Variants in PTPN3 observed in about 807,000 individuals in gnomAD.
PTPN3 encodes the protein protein tyrosine phosphatase non-receptor type 3.
A neutral mutation model predicts 132.7 loss-of-function variants in PTPN3; 96 were observed. That is an observed-to-expected ratio of 0.72 (90% CI 0.61 to 0.86). The LOEUF (loss-of-function observed/expected upper bound fraction) is 0.86. PTPN3 is among the 40% of genes least tolerant of loss of function. The pLI, the probability that PTPN3 is intolerant of heterozygous loss-of-function variation, is 0.00. For synonymous variants in PTPN3, 398 were observed against 429.0 expected, an observed-to-expected ratio of 0.93 and a Z score of 0.89; for missense variants, 1,125 against 1,159.6, an observed-to-expected ratio of 0.97 and a Z score of 0.43.
intron 1 of PTPN3, among the ~76,000 whole-genome samples, chr9:109,493,086 G>T (rs1332150063): frequency 3.3e-5 from 5 of 152,152 alleles, no homozygotes; most frequent in Non-Finnish European, 7.4e-5. Flanking sequence ...CAGATGATTT[G>T]TCTAGGCACA....
At position 109,412,079 on chromosome 9, in the gene PTPN3, A is replaced by G. The variant is rs1842114548; in HGVS notation, c.1314-1664T>C. Among the ~76,000 whole-genome samples, 3 of 152,238 alleles carry G rather than the reference A, an allele frequency of 2.0e-5. No homozygotes were observed. The South Asian group carries it at 6.2e-4, about 32-fold the overall frequency. On this transcript the variant is annotated intron_variant, in intron 14 of 25. Transcript: ENST00000374541. ...TTCACTGTTTACAAGAGCATCACCC[A>G]GTGGCAGAAAGGGCAACTGCTTGGC... is the stretch of plus-strand genomic sequence containing the variant.
intron 1 of PTPN3, among the ~76,000 whole-genome samples, chr9:109,483,571 G>A (rs751971201): frequency 3.9e-5 from 6 of 152,104 alleles, no homozygotes; most frequent in Admixed American, 6.5e-5. Flanking sequence ...CTCAGCCTCC[G>A]GCAGAAAGCG....
At chr9:109,440,816 G>C (rs551964869) in intron 7 of PTPN3, among the ~76,000 whole-genome samples, 4 of 152,280 alleles carry the variant, frequency 2.6e-5, no homozygotes, top group African/African-American at 9.6e-5. Flanking sequence ...TCTGAGCTTC[G>C]AACACAACCA....
chr9:109,408,845 A>T (rs1401064808), intron 16 of PTPN3, among the ~76,000 whole-genome samples: 39 of 119,682 alleles, frequency 3.3e-4, no homozygotes, highest in Admixed American at 2.6e-3. Flanking sequence ...TATGGGCTTT[A>T]ATATATATAT....
At chr9:109,406,743 A>G in intron 17 of PTPN3, 125 bp from the exon 18 acceptor site, 1 of 1,187,824 alleles carries the variant, frequency 8.4e-7, no homozygotes. Context: ...TCCCTCGGGT[A>G]GTACTGTCAT....
intron 1 of PTPN3, among the ~76,000 whole-genome samples, chr9:109,485,350 C>CA (rs1297610015): frequency 2.0e-5 from 3 of 151,468 alleles, no homozygotes; most frequent in South Asian, 2.1e-4. Flanking sequence ...ACTAAAAATA[C>CA]AAAAAAAATT....
At chr9:109,422,641 A>G in intron 13 of PTPN3, 77 bp downstream of exon 13, 2 of 1,447,740 alleles carry the variant, frequency 1.4e-6, no homozygotes, top group South Asian at 1.3e-5. Context: ...AGGAGTTTAT[A>G]AGTTGAGTTT....
At chr9:109,525,222 TA>T in the PTPN3 span, among the ~76,000 whole-genome samples, 37 of 151,090 alleles carry the variant, frequency 2.4e-4, no homozygotes, top group African/African-American at 5.1e-4. Context: ...CCCAGATAAT[TA>T]AAAAAAAATG....
At chr9:109,387,853 T>C (rs951634883) in intron 22 of PTPN3, among the ~76,000 whole-genome samples, 2 of 152,224 alleles carry the variant, frequency 1.3e-5, no homozygotes, top group Non-Finnish European at 2.9e-5. Flanking sequence ...TCAATTGCAA[T>C]GTTTCTAAGA....
chr9:109,528,649 T>C, the PTPN3 span, among the ~76,000 whole-genome samples: 4 of 152,238 alleles, frequency 2.6e-5, no homozygotes, highest in South Asian at 2.1e-4. Flanking sequence ...CAAGGGTATA[T>C]ATAGTGTAAA....
chr9:109,461,566 G>T (rs925928224), intron 2 of PTPN3, among the ~76,000 whole-genome samples: 33 of 152,094 alleles, frequency 2.2e-4, no homozygotes, highest in Admixed American at 1.6e-3. Context: ...GACCAGCCTG[G>T]ACAAGTTAGT....
At position 109,408,342 on chromosome 9, in the gene PTPN3, T is replaced by C. The variant is rs149023035; in HGVS notation, c.1614A>G (p.Ser538=). The change falls in exon 17 of 26, where the codon TCA becomes TCG. Residue 538 remains serine (S), a synonymous_variant. Transcript: ENST00000374541. ...TTACAGGTGACTCTGGGTTTATCCT[T>C]GATACCACAAGAGGCATCTTTTGAT... is the stretch of plus-strand genomic sequence containing the variant. ...GVDQKMPLVV[S]RINPESPADT... 1.4e-4 allele frequency: 217 copies of C among 1,585,294 alleles called. 1 individual carries two copies. In the African/African-American group the frequency reaches 2.8e-3, roughly 20 times the overall value.
At chr9:109,411,247 T>C (rs1842057904) in intron 14 of PTPN3, among the ~76,000 whole-genome samples, 1 of 152,114 alleles carries the variant, frequency 6.6e-6, no homozygotes, top group Non-Finnish European at 1.5e-5. Context: ...TAACTCCCAG[T>C]TCACAGATGA....
At position 109,436,917 on chromosome 9, in the gene PTPN3, AG is replaced by A. The variant is rs1844095836; in HGVS notation, c.640del (p.Leu214SerfsTer6). 2.5e-6 allele frequency: 4 copies of A among 1,614,142 alleles called. No individual in the cohort carries two copies. Among genetic ancestry groups the A allele is most frequent in the Non-Finnish European group, 3.4e-6 (4 of 1,179,982 alleles). ...GTGCAGTTCTACTCCATAGAAGTCG[AG>A]GGTCCGCGCTATGTTGATATAGCAG... ...ESCYINIART[L>X]DFYGVELHSG... On this transcript the variant is annotated frameshift_variant, in exon 9 of 26. Transcript: ENST00000374541. LOFTEE classifies it high-confidence loss of function.
intron 6 of PTPN3, among the ~76,000 whole-genome samples, chr9:109,445,939 G>A (rs1844823237): frequency 6.6e-6 from 1 of 152,166 alleles, no homozygotes; most frequent in Admixed American, 6.5e-5. Flanking sequence ...GACTTGGGTT[G>A]GCCTTGTTCT....
intron 1 of PTPN3, among the ~76,000 whole-genome samples, chr9:109,497,235 G>C (rs965039834): frequency 1.3e-5 from 2 of 152,138 alleles, no homozygotes; most frequent in Non-Finnish European, 2.9e-5. Flanking sequence ...CCTGAAATGA[G>C]AGCCACGAGG....
At chr9:109,381,821 G>C (rs370761204) in intron 24 of PTPN3, 34 bp from the exon 25 acceptor site, 20 of 1,613,544 alleles carry the variant, frequency 1.2e-5, no homozygotes, top group Non-Finnish European at 1.7e-5. Context: ...CTTGGGATTT[G>C]TCTGAGTAGC....
chr9:109,381,684 G>A lies in PTPN3; in HGVS notation c.2632C>T (p.Arg878Ter), dbSNP rs201209437. 8.1e-6 allele frequency: 13 copies of A among 1,614,182 alleles called. No individual in the cohort carries two copies. The highest frequency in any genetic ancestry group is 1.3e-5 in the African/African-American group (1 of 75,056). The change falls in exon 25 of 26, where the codon CGA becomes TGA. Residue 878 changes from arginine (R) to a stop codon, truncating the protein, a stop_gained. Coordinates refer to ENST00000374541, the MANE Select transcript of PTPN3 (RefSeq NM_002829.4). LOFTEE classifies it high-confidence loss of function. Reference protein sequence around the residue: ...IYPLDIVRKMRDQRAMMVQTS... With the variant: ...IYPLDIVRKM The stretch of plus-strand genomic sequence containing the variant: ...TGCACCATCATGGCGCGCTGGTCTC[G>A]CATTTTTCGGACAATATCCAGTGGG...
In PTPN3 at chr9:109,442,820, A is replaced by G. The variant is rs190526877; in HGVS notation, c.466+2420T>C. On this transcript the variant is annotated intron_variant, in intron 7 of 25. Coordinates refer to ENST00000374541, the MANE Select transcript of PTPN3 (RefSeq NM_002829.4). Reference sequence around the variant, plus strand: ...CAGGTAATGAAACTGAGGTCTGGAGAAGCTCAAAGTCGGGCAGGTACAAGT... The same window carrying G: ...CAGGTAATGAAACTGAGGTCTGGAGGAGCTCAAAGTCGGGCAGGTACAAGT... Among the ~76,000 whole-genome samples, 26 of 152,296 alleles carry G rather than the reference A, an allele frequency of 1.7e-4. No homozygotes were observed. In the East Asian group the frequency reaches 5.0e-3, roughly 29 times the overall value.
Sources: gnomAD v4.1 joint callset for allele counts (sites outside exome capture counted in the v4.1 genomes callset) on GRCh38, gnomAD v4.1.1 for gene constraint, MANE v1.5 for transcripts, NCBI Gene and HGNC (gene_info 2026-07-23, HGNC 2026-07-21) for gene names.